The following ENTREP2 variants were observed in gnomAD, a reference collection of about 807,000 sequenced individuals.
ENTREP2 encodes protein ENTREP2.
At chr15:29,204,556 C>T in the ENTREP2 span, among the ~76,000 whole-genome samples, 1 of 152,124 alleles carries the variant, frequency 6.6e-6, no homozygotes, top group African/African-American at 2.4e-5. Flanking sequence ...GTGACAGAGT[C>T]AGACTACTCA....
At chr15:29,227,770 G>A in the ENTREP2 span, among the ~76,000 whole-genome samples, 7 of 152,176 alleles carry the variant, frequency 4.6e-5, no homozygotes, top group Non-Finnish European at 8.8e-5. Context: ...CTCTGCAGTG[G>A]TAAGAGTTGA....
the ENTREP2 span, among the ~76,000 whole-genome samples, chr15:29,246,412 A>T: frequency 7.8e-6 from 1 of 128,776 alleles, no homozygotes; most frequent in African/African-American, 2.9e-5. Flanking sequence ...AAAAAAAAAA[A>T]GGCTGGGCGC....
chr15:29,636,389 G>A, the ENTREP2 span, among the ~76,000 whole-genome samples: 3 of 152,356 alleles, frequency 2.0e-5, no homozygotes, highest in African/African-American at 7.2e-5. Flanking sequence ...ATGAGAACAC[G>A]TCCAGGTGCT....
chr15:29,635,904 G>A, the ENTREP2 span, among the ~76,000 whole-genome samples: 1 of 152,194 alleles, frequency 6.6e-6, no homozygotes, highest in East Asian at 1.9e-4. Context: ...TCTTGAGCCA[G>A]GTCCCTTCCA....
chr15:29,140,425 C>T, the ENTREP2 span, among the ~76,000 whole-genome samples: 2 of 152,176 alleles, frequency 1.3e-5, no homozygotes, highest in African/African-American at 4.8e-5. Context: ...ATTTGGTCGC[C>T]ATCCTGCTAC....
the ENTREP2 span, among the ~76,000 whole-genome samples, chr15:29,448,504 T>C: frequency 3.3e-5 from 5 of 152,348 alleles, no homozygotes; most frequent in Admixed American, 3.3e-4. Flanking sequence ...GTACCCTAAA[T>C]GCACTTAAGC....
chr15:29,467,057 C>T, the ENTREP2 span, among the ~76,000 whole-genome samples: 1 of 149,626 alleles, frequency 6.7e-6, no homozygotes, highest in Non-Finnish European at 1.5e-5. Context: ...AGGGGAGGGC[C>T]CAGGGGAGGA....
At chr15:29,523,283 C>G in the ENTREP2 span, among the ~76,000 whole-genome samples, 1 of 152,178 alleles carries the variant, frequency 6.6e-6, no homozygotes, top group Non-Finnish European at 1.5e-5. Context: ...ACACAGAAAT[C>G]TGAGATTCCT....
the ENTREP2 span, among the ~76,000 whole-genome samples, chr15:29,488,651 A>T: frequency 6.6e-6 from 1 of 152,242 alleles, no homozygotes; most frequent in Non-Finnish European, 1.5e-5. Context: ...AAGGGCAAAG[A>T]GAAAAATCTT....
chr15:29,439,560 C>G, the ENTREP2 span, among the ~76,000 whole-genome samples: 2 of 152,104 alleles, frequency 1.3e-5, no homozygotes, highest in African/African-American at 4.8e-5. Context: ...AGGAGGGAAA[C>G]AGAAAGTCAC....
the ENTREP2 span, among the ~76,000 whole-genome samples, chr15:29,387,988 A>G: frequency 6.6e-6 from 1 of 152,366 alleles, no homozygotes; most frequent in African/African-American, 2.4e-5. Flanking sequence ...TTAAAGACTT[A>G]TATGTTAGAC....
chr15:29,465,490 A>G, the ENTREP2 span, among the ~76,000 whole-genome samples: 1 of 152,210 alleles, frequency 6.6e-6, no homozygotes, highest in African/African-American at 2.4e-5. Context: ...TGCACTCTGC[A>G]GAGGATTGAC....
chr15:29,140,624 C>T, the ENTREP2 span, among the ~76,000 whole-genome samples: 1 of 152,210 alleles, frequency 6.6e-6, no homozygotes, highest in South Asian at 2.1e-4. Flanking sequence ...CAGCTCCCCA[C>T]CTCCCTTTCA....
the ENTREP2 span, among the ~76,000 whole-genome samples, chr15:29,510,040 C>A: frequency 1.3e-5 from 2 of 151,536 alleles, no homozygotes; most frequent in African/African-American, 4.8e-5. Flanking sequence ...CTACAAGGAA[C>A]TTAAATTTAC....
the ENTREP2 span, among the ~76,000 whole-genome samples, chr15:29,369,592 A>AACACACAC: frequency 6.7e-6 from 1 of 149,364 alleles, no homozygotes; most frequent in African/African-American, 2.5e-5. Flanking sequence ...GCTGAAATTA[A>AACACACAC]ACACACACAC....
chr15:29,383,916 A>G, the ENTREP2 span, among the ~76,000 whole-genome samples: 1 of 152,102 alleles, frequency 6.6e-6, no homozygotes, highest in Non-Finnish European at 1.5e-5. Context: ...ATTTACAGCC[A>G]TTTCCCACCG....
At chr15:29,356,278 A>G in the ENTREP2 span, among the ~76,000 whole-genome samples, 2 of 45,564 alleles carry the variant, frequency 4.4e-5, no homozygotes, top group South Asian at 6.7e-4. Flanking sequence ...GTATATATAT[A>G]TATATATATA....
chr15:29,671,281 A>T, the ENTREP2 span, among the ~76,000 whole-genome samples: 1 of 152,196 alleles, frequency 6.6e-6, no homozygotes, highest in Non-Finnish European at 1.5e-5. Context: ...ATAAACTGGT[A>T]ATAGTAAATA....
chr15:29,625,850 T>C, the ENTREP2 span, among the ~76,000 whole-genome samples: 5 of 152,078 alleles, frequency 3.3e-5, no homozygotes, highest in South Asian at 1.0e-3. Context: ...AAAAACAATT[T>C]TTTTCTTTTC....
Sources: allele counts gnomAD v4.1 joint callset (sites outside exome capture counted in the v4.1 genomes callset), GRCh38; gene constraint gnomAD v4.1.1; transcripts MANE v1.5; gene names NCBI Gene and HGNC (gene_info 2026-07-23, HGNC 2026-07-21).